Variants in TOX observed in about 807,000 individuals in gnomAD.
The protein encoded by TOX is thymocyte selection-associated high mobility group box protein TOX.
In TOX, 11 loss-of-function variants were observed where a neutral mutation model predicts 53.7. The ratio of observed to expected loss-of-function variants is 0.20; its 90% CI spans 0.13 to 0.34. The LOEUF (loss-of-function observed/expected upper bound fraction) is 0.34, where lower values mean the gene tolerates loss of function less well. TOX is among the 10% of genes least tolerant of loss of function. The pLI, the probability that TOX is intolerant of heterozygous loss-of-function variation, is 1.00. For synonymous variants in TOX, 225 were observed against 245.3 expected (o/e 0.92, Z 0.77); for missense variants, 570 against 664.6 (o/e 0.86, Z 1.56).
intron 5 of TOX, among the ~76,000 whole-genome samples, chr8:58,831,613 T>C (rs956458602): frequency 6.6e-6 from 1 of 152,202 alleles, no homozygotes; most frequent in African/African-American, 2.4e-5. Flanking sequence ...GTTCCATCTT[T>C]CTTTGCTCAA....
chr8:58,810,329 C>T (rs1461498363), intron 7 of TOX, among the ~76,000 whole-genome samples: 1 of 150,842 alleles, frequency 6.6e-6, no homozygotes, highest in Non-Finnish European at 1.5e-5. Context: ...TAAAGTTCTC[C>T]ATATTGGATT....
chr8:58,982,894 T>C (rs929610675), intron 1 of TOX, among the ~76,000 whole-genome samples: 6 of 152,208 alleles, frequency 3.9e-5, no homozygotes, highest in Non-Finnish European at 5.9e-5. Context: ...GTCTGCTCAG[T>C]GAAGCCAAAC....
At chr8:58,845,758 C>A (rs912656945) in intron 4 of TOX, among the ~76,000 whole-genome samples, 1 of 151,922 alleles carries the variant, frequency 6.6e-6, no homozygotes, top group African/African-American at 2.4e-5. Context: ...AGGCACTCAG[C>A]GGCCTTATGT....
chr8:58,913,478 T>C (rs6985104), intron 3 of TOX, among the ~76,000 whole-genome samples: 137,988 of 152,276 alleles, frequency 0.91, 62,663 homozygotes, highest in East Asian at 1. Flanking sequence ...CGTACAGCAC[T>C]TAGCCTGCTG....
At chr8:58,874,991 T>C (rs1315884812) in intron 3 of TOX, among the ~76,000 whole-genome samples, 3 of 152,354 alleles carry the variant, frequency 2.0e-5, no homozygotes, top group Non-Finnish European at 2.9e-5. Context: ...ATGTGGCCTG[T>C]GGGCCATGGA....
intron 1 of TOX, among the ~76,000 whole-genome samples, chr8:59,027,859 C>A (rs1169802810): frequency 6.6e-6 from 1 of 152,088 alleles, no homozygotes; most frequent in Non-Finnish European, 1.5e-5. Context: ...TCCTTTCTTG[C>A]AAAACTGTGA....
intron 1 of TOX, among the ~76,000 whole-genome samples, chr8:58,979,508 C>A (rs1229610962): frequency 6.6e-6 from 1 of 152,194 alleles, no homozygotes; most frequent in East Asian, 1.9e-4. Flanking sequence ...GCCAAGACTG[C>A]AACTTCATTC....
chr8:58,854,511 C>T (rs1810879987), intron 3 of TOX, among the ~76,000 whole-genome samples: 2 of 69,628 alleles, frequency 2.9e-5, no homozygotes, highest in Admixed American at 3.4e-4. Context: ...AATCTGCATT[C>T]CCACTCTTGC....
chr8:59,039,965 C>A (rs1048993876), intron 1 of TOX, among the ~76,000 whole-genome samples: 1 of 152,066 alleles, frequency 6.6e-6, no homozygotes, highest in Admixed American at 6.5e-5. Context: ...ATAATAATTC[C>A]AATGTTCCTT....
chr8:58,865,193 T>G (rs546093976), intron 3 of TOX, among the ~76,000 whole-genome samples: 1 of 152,158 alleles, frequency 6.6e-6, no homozygotes. Context: ...TAAAATTGTG[T>G]ACAAGGGGTT....
chr8:58,940,436 T>C (rs1812419038), intron 2 of TOX, among the ~76,000 whole-genome samples: 1 of 151,902 alleles, frequency 6.6e-6, no homozygotes, highest in Admixed American at 6.6e-5. Flanking sequence ...CTGTTTGAAA[T>C]GGAATGTGGT....
chr8:58,895,874 G>A (rs921138029), intron 3 of TOX, among the ~76,000 whole-genome samples: 6 of 152,090 alleles, frequency 3.9e-5, no homozygotes, highest in African/African-American at 9.7e-5. Flanking sequence ...TTCCTACCTC[G>A]GGAGGGGATG....
intron 1 of TOX, among the ~76,000 whole-genome samples, chr8:59,051,504 A>T (rs1276444272): frequency 6.6e-6 from 1 of 152,126 alleles, no homozygotes; most frequent in Non-Finnish European, 1.5e-5. Flanking sequence ...TCATTACATC[A>T]TTCTTTGCAT....
intron 1 of TOX, among the ~76,000 whole-genome samples, chr8:59,063,252 T>G (rs1804021965): frequency 6.6e-6 from 1 of 152,142 alleles, no homozygotes; most frequent in African/African-American, 2.4e-5. Context: ...GATTTGCATG[T>G]TAACTGAATC....
chr8:59,046,036 G>A (rs1389693587), intron 1 of TOX, among the ~76,000 whole-genome samples: 1 of 152,174 alleles, frequency 6.6e-6, no homozygotes, highest in Admixed American at 6.5e-5. Context: ...GCTCAGAGGT[G>A]ACTGCCGTCC....
At chr8:58,827,051 A>T in intron 5 of TOX, 149 bp from the exon 6 acceptor site, 2 of 476,740 alleles carry the variant, frequency 4.2e-6, no homozygotes, top group Non-Finnish European at 6.5e-6. Context: ...GTGTTTTCTT[A>T]CTGAAACAGA....
intron 1 of TOX, among the ~76,000 whole-genome samples, chr8:59,033,414 A>G (rs1224659345): frequency 1.3e-5 from 2 of 152,220 alleles, no homozygotes; most frequent in African/African-American, 4.8e-5. Context: ...GCAGAATTTC[A>G]GTTGGGGATG....
In TOX at chr8:58,892,973, A is replaced by G. The variant is rs576809064; in HGVS notation, c.412-41168T>C. On this transcript the variant is annotated intron_variant, in intron 3 of 8. Transcript: ENST00000361421. ...AACCGTGTAATTACCAAGTCTTAGA[A>G]GTAACTAGAAGCAGATGAATTTGTT... Among the ~76,000 whole-genome samples the G allele has an allele frequency of 2.6e-5, 4 of 152,352 alleles. No homozygotes were observed. In the East Asian group the frequency reaches 7.7e-4, roughly 29 times the overall value.
At chr8:59,050,099 T>G (rs1001135756) in intron 1 of TOX, among the ~76,000 whole-genome samples, 3 of 152,192 alleles carry the variant, frequency 2.0e-5, no homozygotes, top group Non-Finnish European at 2.9e-5. Context: ...CCTTGTGCAT[T>G]TTCTATCACT....
Sources: gnomAD v4.1 joint callset for allele counts (sites outside exome capture counted in the v4.1 genomes callset) on GRCh38, gnomAD v4.1.1 for gene constraint, MANE v1.5 for transcripts, NCBI Gene and HGNC (gene_info 2026-07-23, HGNC 2026-07-21) for gene names.